BRD1: variants seen among roughly 807,000 people sequenced by gnomAD.
BRD1 encodes bromodomain containing 1.
In BRD1, 24 loss-of-function variants were observed where a neutral mutation model predicts 107.7. The ratio of observed to expected loss-of-function variants is 0.22; its 90% confidence interval spans 0.16 to 0.31. BRD1 has a LOEUF of 0.31. Among genes scored for constraint, BRD1 ranks in the 10% least tolerant of loss-of-function variants. The pLI is 1.00. For synonymous variants in BRD1, 744 were observed against 686.1 expected, an observed-to-expected ratio of 1.08 and a Z score of -1.32; for missense variants, 1,279 against 1,638.6, an observed-to-expected ratio of 0.78 and a Z score of 3.79.
At position 49,780,513 on chromosome 22, in the gene BRD1, T is replaced by G. The variant is rs373829667; in HGVS notation, c.2858-2700A>C. Reference sequence around the variant, plus strand: ...CTGCAAGGCTTGCTAACAGGCGGTCTGGGGGCTGCGGCAGTGCGGGGTCAC... The same window carrying G: ...CTGCAAGGCTTGCTAACAGGCGGTCGGGGGGCTGCGGCAGTGCGGGGTCAC... On this transcript the variant is annotated intron_variant, in intron 8 of 12. Transcript: ENST00000404760. 7.2e-4 allele frequency among the ~76,000 whole-genome samples: 109 copies of G among 151,874 alleles called. 3 individuals are homozygous for G. The South Asian group carries it at 0.022, about 30-fold the overall frequency.
chr22:49,812,995 C>G (rs2059881013), intron 2 of BRD1, among the ~76,000 whole-genome samples: 1 of 152,216 alleles, frequency 6.6e-6, no homozygotes, highest in South Asian at 2.1e-4. Context: ...CAGGTCACAG[C>G]TGGCCTGAGA....
intron 6 of BRD1, among the ~76,000 whole-genome samples, chr22:49,797,230 G>A (rs188596224): frequency 3.0e-4 from 46 of 152,344 alleles, no homozygotes; most frequent in African/African-American, 7.9e-4. Flanking sequence ...ACAAGCCCAG[G>A]CTGGAGTCCA....
intron 2 of BRD1, among the ~76,000 whole-genome samples, chr22:49,814,054 C>CG (rs1242348859): frequency 6.6e-6 from 1 of 151,962 alleles, no homozygotes; most frequent in Non-Finnish European, 1.5e-5. Flanking sequence ...GGTGCACGAA[C>CG]GGAATTCCAT....
At chr22:49,811,556 G>A (rs983559992) in intron 2 of BRD1, among the ~76,000 whole-genome samples, 8 of 152,212 alleles carry the variant, frequency 5.3e-5, no homozygotes, top group Non-Finnish European at 1.0e-4. Flanking sequence ...TGGGTGCACT[G>A]GACAAAGGTT....
intron 8 of BRD1, among the ~76,000 whole-genome samples, chr22:49,784,388 G>A (rs768220973): frequency 6.6e-5 from 10 of 152,086 alleles, no homozygotes; most frequent in Non-Finnish European, 1.2e-4. Flanking sequence ...GGCGGCGAGT[G>A]GAAGGCCGCT....
At chr22:49,781,785 G>A (rs994695277) in intron 8 of BRD1, among the ~76,000 whole-genome samples, 7 of 152,402 alleles carry the variant, frequency 4.6e-5, no homozygotes, top group African/African-American at 9.6e-5. Context: ...TTTTACCATC[G>A]TTAAAAGAAG....
chr22:49,777,879 A>C, intron 8 of BRD1, 66 bp from the exon 9 acceptor site: 1 of 1,519,196 alleles, frequency 6.6e-7, no homozygotes, highest in Non-Finnish European at 8.8e-7. Context: ...TGACTCAACG[A>C]CGTTACACTT....
At chr22:49,798,413 A>G in intron 5 of BRD1, 145 bp downstream of exon 5, 1 of 1,389,662 alleles carries the variant, frequency 7.2e-7, no homozygotes, top group Non-Finnish European at 9.9e-7. Flanking sequence ...TCACTTTTAT[A>G]ATTTAAAAAC....
chr22:49,807,818 A>G (rs532554156), intron 2 of BRD1, among the ~76,000 whole-genome samples: 5 of 152,366 alleles, frequency 3.3e-5, no homozygotes, highest in African/African-American at 1.2e-4. Flanking sequence ...ATGGGAGGAA[A>G]TATTTTCAAA....
At position 49,792,269 on chromosome 22, in the gene BRD1, T is replaced by A. The variant is rs775626832; in HGVS notation, c.2359+1765A>T. 7.2e-5 allele frequency among the ~76,000 whole-genome samples: 11 copies of A among 152,146 alleles called. No homozygotes were observed. The highest frequency in any genetic ancestry group is 1.2e-4 in the Non-Finnish European group (8 of 68,022). On this transcript the variant is annotated intron_variant, in intron 7 of 12. Transcript: ENST00000404760. This position sits in a 1 kb window ranked among gnomAD's most constrained non-coding sequence, Gnocchi z 4.2. ...GAAGCGCTGGAAGCTATTTTGAGAA[T>A]GGTGAGTGGACCTGCTGGCAACCTC...
chr22:49,796,857 T>C lies in BRD1; in HGVS notation c.2098+948A>G, dbSNP rs116180103. ...GATGGCGGGAACGTGGACCCCGCGA[T>C]GGCGGGAACGTGGAAGAGAGGAAGA... On this transcript the variant is annotated intron_variant, in intron 6 of 12. Coordinates refer to ENST00000404760, the MANE Select transcript of BRD1 (RefSeq NM_001304808.3). 8.4e-3 allele frequency among the ~76,000 whole-genome samples: 1,257 copies of C among 150,502 alleles called. 22 individuals carry two copies. The highest frequency in any genetic ancestry group is 0.028 in the African/African-American group (1,178 of 41,458).
intron 6 of BRD1, among the ~76,000 whole-genome samples, chr22:49,795,277 G>A (rs1016776037): frequency 2.0e-5 from 3 of 152,206 alleles, no homozygotes; most frequent in Admixed American, 1.3e-4. Context: ...ACGGCCTCCA[G>A]GTCTGTGGCT....
chr22:49,817,427 G>A (rs1040330447), intron 2 of BRD1: 2 of 154,046 alleles, frequency 1.3e-5, no homozygotes, highest in African/African-American at 4.8e-5. Context: ...ATCTTCCTAT[G>A]GAATACCAAG....
At chr22:49,820,699 C>T (rs891915748) in intron 2 of BRD1, 9 of 152,400 alleles carry the variant, frequency 5.9e-5, no homozygotes, top group African/African-American at 2.2e-4. Context: ...GGGGTAGTGC[C>T]CAGGGCCTAA....
chr22:49,786,499 T>C (rs1269692436), intron 8 of BRD1, among the ~76,000 whole-genome samples: 2 of 152,202 alleles, frequency 1.3e-5, no homozygotes, highest in African/African-American at 4.8e-5. Context: ...CGCTTTCCAG[T>C]GCTATTTCAG....
At chr22:49,795,020 A>G (rs917716467) in intron 6 of BRD1, among the ~76,000 whole-genome samples, 1 of 152,204 alleles carries the variant, frequency 6.6e-6, no homozygotes, top group African/African-American at 2.4e-5. Flanking sequence ...AAAAAAAGTA[A>G]GACTGCCCAA....
intron 11 of BRD1, 70 bp from the exon 12 acceptor site, chr22:49,775,815 A>ACCCCCCCCC: frequency 2.6e-6 from 3 of 1,141,502 alleles, no homozygotes; most frequent in Non-Finnish European, 1.1e-6. Context: ...TGTCACTGGC[A>ACCCCCCCCC]CCCCCCCCCG....
At chr22:49,801,187 CA>C (rs1262442775) in intron 3 of BRD1, among the ~76,000 whole-genome samples, 1 of 152,232 alleles carries the variant, frequency 6.6e-6, no homozygotes, top group Non-Finnish European at 1.5e-5. Flanking sequence ...GAGCAGGAGA[CA>C]GTGGGACGCC....
intron 3 of BRD1, among the ~76,000 whole-genome samples, chr22:49,800,700 A>G (rs78264894): frequency 0.017 from 2,583 of 152,326 alleles, 58 homozygotes; most frequent in Middle Eastern, 0.12. Context: ...CCCATGACAC[A>G]TGCAGCCTCA....
Sources: gnomAD v4.1 joint callset for allele counts (sites outside exome capture counted in the v4.1 genomes callset) on GRCh38, gnomAD v4.1.1 for gene constraint, Gnocchi (gnomAD v3.1) non-coding constraint, MANE v1.5 for transcripts, NCBI Gene and HGNC (gene_info 2026-07-23, HGNC 2026-07-21) for gene names.